Variants in EDA observed in about 807,000 individuals in gnomAD.
EDA encodes the protein ectodysplasin-A.
Under a neutral mutation model 23.6 loss-of-function variants are expected in EDA, and 2 were observed. The observed-to-expected ratio is 0.08, with a 90% CI of 0.03 to 0.27. The LOEUF (loss-of-function observed/expected upper bound fraction) is 0.27. EDA is among the 10% of genes least tolerant of loss of function. EDA has a pLI of 1.00. For synonymous variants in EDA, 131 were observed against 132.0 expected (o/e 0.99, Z 0.05); for missense variants, 229 against 324.2 (o/e 0.71, Z 2.26).
intron 1 of EDA, among the ~76,000 whole-genome samples, chrX:69,689,599 T>G (rs1051335012): frequency 2.7e-5 from 3 of 109,779 alleles, no homozygotes; most frequent in Non-Finnish European, 3.8e-5. Context: ...CCTCCCAAAG[T>G]GCTGGGATTA....
intron 1 of EDA, among the ~76,000 whole-genome samples, chrX:69,909,272 GT>G (rs1224704841): frequency 2.7e-5 from 3 of 111,311 alleles, no homozygotes; most frequent in Non-Finnish European, 3.8e-5. Flanking sequence ...AATTATTTGG[GT>G]TTTTTTGTTT....
chrX:69,981,864 G>C (rs537370237), intron 2 of EDA, among the ~76,000 whole-genome samples: 1 of 111,816 alleles, frequency 8.9e-6, no homozygotes, highest in South Asian at 3.7e-4. Context: ...AAGTCTTTTT[G>C]ACTCCAAAGT....
At chrX:69,870,900 C>G (rs55668612) in intron 1 of EDA, among the ~76,000 whole-genome samples, 1 of 110,522 alleles carries the variant, frequency 9.0e-6, no homozygotes, top group Non-Finnish European at 1.9e-5. Flanking sequence ...AGCAGATTTG[C>G]GGCTCAGTAT....
At chrX:69,928,209 T>C (rs1174092944) in intron 1 of EDA, among the ~76,000 whole-genome samples, 2 of 111,435 alleles carry the variant, frequency 1.8e-5, no homozygotes, top group Non-Finnish European at 3.8e-5. Context: ...CCACTTCAGA[T>C]GTCATCTCCC....
In EDA at chrX:69,741,924, T is replaced by C. The variant is rs1272860677; in HGVS notation, c.396+125220T>C. 3.6e-5 allele frequency among the ~76,000 whole-genome samples: 4 copies of C among 112,129 alleles called. No individual in the cohort carries two copies. In the East Asian group the frequency reaches 8.5e-4, roughly 24 times the overall value. ...TCTGTTCCAAATAAAGTCAGTTCCC[T>C]AGGGGAGAGTTTTGGAGTCTTCTGT... is the stretch of plus-strand genomic sequence containing the variant. On this transcript the variant is annotated intron_variant, in intron 1 of 7. Coordinates refer to ENST00000374552, the MANE Select transcript of EDA (RefSeq NM_001399.5).
chrX:70,022,587 C>T (rs923021554), intron 2 of EDA, among the ~76,000 whole-genome samples: 9 of 110,599 alleles, frequency 8.1e-5, no homozygotes, highest in African/African-American at 2.3e-4. Context: ...CCACCCGCCT[C>T]GGCCTCCCAA....
chrX:69,725,703 G>T (rs1333167946), intron 1 of EDA, among the ~76,000 whole-genome samples: 1 of 112,569 alleles, frequency 8.9e-6, no homozygotes, highest in African/African-American at 3.2e-5. Context: ...CCAAGGACAG[G>T]CATGTCAATG....
At chrX:69,652,723 T>C (rs1433626120) in intron 1 of EDA, among the ~76,000 whole-genome samples, 1 of 112,074 alleles carries the variant, frequency 8.9e-6, no homozygotes, top group Non-Finnish European at 1.9e-5. Context: ...TTACTGCCAG[T>C]CCATAAATAT....
intron 1 of EDA, among the ~76,000 whole-genome samples, chrX:69,786,589 A>C (rs1297673132): frequency 4.5e-5 from 5 of 110,087 alleles, no homozygotes; most frequent in Non-Finnish European, 7.6e-5. Flanking sequence ...GTTTCCATGT[A>C]GTTGAGTAGT....
At chrX:69,861,139 C>A (rs1602492006) in intron 1 of EDA, 1 of 345,563 alleles carries the variant, frequency 2.9e-6, no homozygotes, top group Non-Finnish European at 5.1e-6. Flanking sequence ...AAAATGATCC[C>A]AGAAGGAAAA....
intron 1 of EDA, among the ~76,000 whole-genome samples, chrX:69,832,311 T>C (rs1453108259): frequency 1.8e-5 from 2 of 112,002 alleles, no homozygotes; most frequent in Admixed American, 9.5e-5. Flanking sequence ...TCCCCATTTC[T>C]TGTATTTGTC....
intron 1 of EDA, among the ~76,000 whole-genome samples, chrX:69,732,148 C>T (rs996510937): frequency 2.7e-5 from 3 of 111,348 alleles, no homozygotes; most frequent in Non-Finnish European, 5.7e-5. Context: ...ATGTGCACAA[C>T]GTGCAGGTTT....
At chrX:69,945,906 T>C (rs1215407462) in intron 1 of EDA, among the ~76,000 whole-genome samples, 1 of 112,014 alleles carries the variant, frequency 8.9e-6, no homozygotes. Flanking sequence ...GAAATAGTAT[T>C]GGCCTGCCAT....
At chrX:69,821,003 T>C (rs773881589) in intron 1 of EDA, among the ~76,000 whole-genome samples, 1 of 111,304 alleles carries the variant, frequency 9.0e-6, no homozygotes, top group African/African-American at 3.3e-5. Context: ...CCATCATTGA[T>C]AGACTGGATA....
chrX:69,815,480 G>A (rs181266572), intron 1 of EDA, among the ~76,000 whole-genome samples: 29 of 110,889 alleles, frequency 2.6e-4, no homozygotes, highest in African/African-American at 9.2e-4. Flanking sequence ...GGTAGACTCA[G>A]CCGTTCCAGC....
intron 1 of EDA, among the ~76,000 whole-genome samples, chrX:69,928,736 C>A (rs1283361429): frequency 9.0e-6 from 1 of 111,587 alleles, no homozygotes; most frequent in African/African-American, 3.3e-5. Context: ...AATTGTAAAC[C>A]AGGGATATTT....
intron 1 of EDA, among the ~76,000 whole-genome samples, chrX:69,939,362 A>T (rs780654201): frequency 2.7e-5 from 3 of 111,341 alleles, no homozygotes; most frequent in African/African-American, 3.3e-5. Flanking sequence ...GGCTATTTTA[A>T]TGGGATTACT....
intron 3 of EDA, among the ~76,000 whole-genome samples, chrX:70,023,478 C>CTTTTTTTTTTTTTTTT (rs754981946): frequency 6.0e-5 from 2 of 33,500 alleles, no homozygotes; most frequent in African/African-American, 1.4e-4. Context: ...TCTTTTTATT[C>CTTTTTTTTTTTTTTTT]TTTTTTTTTT....
intron 1 of EDA, among the ~76,000 whole-genome samples, chrX:69,699,483 G>T (rs1463087366): frequency 2.7e-5 from 3 of 111,264 alleles, no homozygotes; most frequent in Non-Finnish European, 5.7e-5. Flanking sequence ...TTAGTACACT[G>T]CGGTGAGCTA....
Sources: gnomAD v4.1 joint callset for allele counts (sites outside exome capture counted in the v4.1 genomes callset) on GRCh38, gnomAD v4.1.1 for gene constraint, MANE v1.5 for transcripts, NCBI Gene and HGNC (gene_info 2026-07-23, HGNC 2026-07-21) for gene names.